The following MAPK8 variants were observed in gnomAD, a reference collection of about 807,000 sequenced individuals.
The protein encoded by MAPK8 is mitogen-activated protein kinase 8.
Under a neutral mutation model 52.9 loss-of-function variants are expected in MAPK8, and 13 were observed. The observed-to-expected ratio is 0.25, with a 90% CI of 0.16 to 0.39. The LOEUF (loss-of-function observed/expected upper bound fraction) is 0.39, where lower values mean the gene tolerates loss of function less well. MAPK8 is among the 10% of genes least tolerant of loss of function. MAPK8 has a pLI of 1.00. For missense variants in MAPK8, 300 were observed against 519.2 expected (o/e 0.58, Z 4.10); for synonymous variants, 191 against 169.8 (o/e 1.12, Z -0.97).
chr10:48,331,014 T>A (rs1357021700), intron 1 of MAPK8, among the ~76,000 whole-genome samples: 1 of 152,210 alleles, frequency 6.6e-6, no homozygotes, highest in African/African-American at 2.4e-5. Context: ...CATTCTAAAT[T>A]GTGGCAGTTA....
At chr10:48,335,018 A>G (rs185476336) in intron 1 of MAPK8, among the ~76,000 whole-genome samples, 1 of 152,270 alleles carries the variant, frequency 6.6e-6, no homozygotes, top group Non-Finnish European at 1.5e-5. Context: ...TTCCGATAGC[A>G]AAACTTTTCC....
In MAPK8 at chr10:48,424,209, T is replaced by C. The variant is rs565045667; in HGVS notation, c.688+50T>C. 3.2e-5 allele frequency: 47 copies of C among 1,461,864 alleles called. No homozygotes were observed. In the South Asian group the frequency reaches 4.6e-4, roughly 14 times the overall value. 90.6% of individuals were successfully genotyped at this position (1,461,864 alleles called of 1,614,324 possible). On this transcript the variant is annotated intron_variant, in intron 7 of 11. Transcript: ENST00000374189. ...TAATTAGTTAGGCGATGAACTTCTT[T>C]ATGTTCTCTAATGAAAATGAATATG... is the stretch of plus-strand genomic sequence containing the variant.
rs1310836480 is a variant in MAPK8, at chr10:48,426,079, T to C, written c.871+9T>C. On this transcript the variant is annotated intron_variant, in intron 8 of 11. Transcript: ENST00000374189. The stretch of plus-strand genomic sequence containing the variant: ...ACACAACAAACTTAAAGGTACTTTT[T>C]ACAAATATGTACATTTAATCCCATT... 6.3e-7 allele frequency: 1 copy of C among 1,599,740 alleles called. No individual in the cohort carries two copies. Among genetic ancestry groups the C allele is most frequent in the Non-Finnish European group, 8.5e-7 (1 of 1,171,802 alleles).
At chr10:48,413,815 TTATA>T (rs59042608) in intron 5 of MAPK8, among the ~76,000 whole-genome samples, 1,330 of 48,214 alleles carry the variant, frequency 0.028, 17 homozygotes, top group East Asian at 0.05. Flanking sequence ...GCCAGAATTG[TTATA>T]TATATATATA....
At chr10:48,378,040 G>A (rs1431626560) in intron 1 of MAPK8, among the ~76,000 whole-genome samples, 3 of 152,000 alleles carry the variant, frequency 2.0e-5, no homozygotes, top group East Asian at 3.9e-4. Flanking sequence ...TACCTTTTTG[G>A]GACTGATAAC....
intron 1 of MAPK8, among the ~76,000 whole-genome samples, chr10:48,332,959 G>A (rs1046686012): frequency 3.9e-5 from 6 of 152,160 alleles, no homozygotes; most frequent in African/African-American, 1.4e-4. Flanking sequence ...CAGCAATTAG[G>A]TAATCTTCCT....
At chr10:48,412,259 C>T (rs575847295) in intron 5 of MAPK8, among the ~76,000 whole-genome samples, 5 of 152,204 alleles carry the variant, frequency 3.3e-5, no homozygotes, top group Admixed American at 6.5e-5. Context: ...ATGCACCTCT[C>T]TTGCTGCTCT....
rs1359693562 is a variant in MAPK8, at chr10:48,436,323, A to G, written c.*1294A>G. 6.6e-6 allele frequency: 1 copy of G among 152,242 alleles called. No individual in the cohort carries two copies. The highest frequency in any genetic ancestry group is 1.5e-5 in the Non-Finnish European group (1 of 68,038). 9.4% of individuals were successfully genotyped at this position (152,242 alleles called of 1,614,324 possible). A position where few individuals can be genotyped will look rare whatever the true frequency, so the allele number is the denominator to read the frequency against. On this transcript the variant is annotated 3_prime_UTR_variant, in exon 12 of 12. Coordinates refer to ENST00000374189, the MANE Select transcript of MAPK8 (RefSeq NM_001323329.2). ...ATGTGGATGTCGAGTAGTGTTAAGA[A>G]TGGTGCTGCTCCTGACAAGTGTATG...
At chr10:48,312,395 A>G (rs1842064032) in intron 1 of MAPK8, among the ~76,000 whole-genome samples, 1 of 152,186 alleles carries the variant, frequency 6.6e-6, no homozygotes, top group Non-Finnish European at 1.5e-5. Flanking sequence ...TACTAGAAAC[A>G]CTTTTTAAAG....
At chr10:48,388,293 A>G (rs185480210) in intron 1 of MAPK8, among the ~76,000 whole-genome samples, 2 of 152,300 alleles carry the variant, frequency 1.3e-5, no homozygotes, top group East Asian at 3.9e-4. Flanking sequence ...AAGGTTAGCC[A>G]TTAAGTAGGT....
chr10:48,434,379 G>T (rs889165994), intron 11 of MAPK8, among the ~76,000 whole-genome samples: 2 of 152,114 alleles, frequency 1.3e-5, no homozygotes, highest in African/African-American at 2.4e-5. Context: ...AACAAGATGT[G>T]CCAGAAGTAC....
At chr10:48,336,624 A>G (rs1844715806) in intron 1 of MAPK8, among the ~76,000 whole-genome samples, 1 of 152,192 alleles carries the variant, frequency 6.6e-6, no homozygotes, top group Non-Finnish European at 1.5e-5. Context: ...AACCCAGTTA[A>G]AGTTAACATA....
intron 1 of MAPK8, among the ~76,000 whole-genome samples, chr10:48,394,187 G>GAGATAGT (rs1175534687): frequency 2.0e-5 from 3 of 151,892 alleles, no homozygotes; most frequent in Non-Finnish European, 4.4e-5. Flanking sequence ...AGACTTCACT[G>GAGATAGT]AGATAGTCTA....
At chr10:48,423,620 TTC>T (rs1435217385) in intron 6 of MAPK8, among the ~76,000 whole-genome samples, 2 of 152,210 alleles carry the variant, frequency 1.3e-5, no homozygotes, top group African/African-American at 2.4e-5. Flanking sequence ...TAGAGATTAT[TTC>T]TGTTAGATAT....
intron 3 of MAPK8, among the ~76,000 whole-genome samples, chr10:48,405,683 A>C (rs1240582044): frequency 6.6e-6 from 1 of 152,260 alleles, no homozygotes; most frequent in Non-Finnish European, 1.5e-5. Context: ...GAGGAAATAA[A>C]CTAGGAGTGA....
intron 1 of MAPK8, among the ~76,000 whole-genome samples, chr10:48,377,936 G>A (rs767190135): frequency 3.3e-5 from 5 of 152,072 alleles, no homozygotes; most frequent in African/African-American, 1.2e-4. Flanking sequence ...GTCTTCTTGA[G>A]GTCAGTTAGT....
Position 48,410,033 on chromosome 10 carries a change from CAT to C in MAPK8, c.317_318del (p.Ile106SerfsTer20). On this transcript the variant is annotated frameshift_variant, in exon 5 of 12. Transcript: ENST00000374189. LOFTEE classifies it high-confidence loss of function. ...TTCTCTTTTTTCACTCATAAAGTTA[CAT>C]AGTCATGGAGCTCATGGATGCAAAT... ...KSLEEFQDVY[I>X]VMELMDANLC... The C allele has an allele frequency of 6.2e-7, 1 of 1,603,918 alleles. No individual in the cohort carries two copies. The highest frequency in any genetic ancestry group is 8.5e-7 in the Non-Finnish European group (1 of 1,176,428).
chr10:48,356,642 G>A (rs1037926660), intron 1 of MAPK8, among the ~76,000 whole-genome samples: 1 of 152,052 alleles, frequency 6.6e-6, no homozygotes, highest in Admixed American at 6.6e-5. Flanking sequence ...AAGAGTTCAA[G>A]ACCAGCCTGG....
intron 3 of MAPK8, among the ~76,000 whole-genome samples, chr10:48,407,259 A>T (rs1166955150): frequency 6.6e-6 from 1 of 152,202 alleles, no homozygotes; most frequent in East Asian, 1.9e-4. Context: ...GTGTCTAACT[A>T]TCACAGTTAT....
Sources: allele counts gnomAD v4.1 joint callset (sites outside exome capture counted in the v4.1 genomes callset), GRCh38; gene constraint gnomAD v4.1.1; transcripts MANE v1.5; gene names NCBI Gene and HGNC (gene_info 2026-07-23, HGNC 2026-07-21).